GRID2: variants seen among roughly 807,000 people sequenced by gnomAD.
GRID2 encodes the protein glutamate ionotropic receptor delta type subunit 2, also known as glutamate receptor ionotropic, delta-2.
GRID2 carries 33 observed loss-of-function variants against 114.8 expected under a neutral mutation model. That is an observed-to-expected ratio of 0.29 (90% CI 0.22 to 0.38). GRID2 has a LOEUF of 0.38. Ranked by LOEUF, GRID2 falls within the 10% of genes least tolerant of loss-of-function variation. The pLI is 1.00. For synonymous variants in GRID2, 505 were observed against 449.9 expected (o/e 1.12, Z -1.55); for missense variants, 1,184 against 1,257.7 (o/e 0.94, Z 0.89).
chr4:92,816,114 G>A lies in GRID2; in HGVS notation c.244+225828G>A, dbSNP rs556429115. Among the ~76,000 whole-genome samples the A allele has an allele frequency of 1.6e-3, 238 of 151,132 alleles. 1 individual carries two copies. Among genetic ancestry groups the A allele is most frequent in the Non-Finnish European group, 1.9e-3 (126 of 67,760 alleles). On this transcript the variant is annotated intron_variant, in intron 2 of 15. Coordinates refer to ENST00000282020, the MANE Select transcript of GRID2 (RefSeq NM_001510.4). ...GTGGATCACCTGAGGTCCGGAGTTCGAGATCAGCCTAGGCAACATGGTGAA... is the reference window on the plus strand; with the variant it reads ...GTGGATCACCTGAGGTCCGGAGTTCAAGATCAGCCTAGGCAACATGGTGAA...
intron 8 of GRID2, among the ~76,000 whole-genome samples, chr4:93,393,422 A>G (rs1481428738): frequency 1.3e-5 from 2 of 152,000 alleles, no homozygotes; most frequent in Non-Finnish European, 2.9e-5. Context: ...GTCTTGTAAT[A>G]TATATGAGAG....
chr4:92,408,142 C>T (rs1731111415), intron 1 of GRID2, among the ~76,000 whole-genome samples: 1 of 151,928 alleles, frequency 6.6e-6, no homozygotes, highest in Non-Finnish European at 1.5e-5. Flanking sequence ...TTTCATAGAC[C>T]TCATTCAATG....
chr4:93,443,656 C>T (rs1721824050), intron 10 of GRID2, among the ~76,000 whole-genome samples: 1 of 151,764 alleles, frequency 6.6e-6, no homozygotes, highest in Admixed American at 6.6e-5. Context: ...GCACAGCTGG[C>T]ATAAATGGAG....
At chr4:92,929,547 A>G (rs1361513299) in intron 2 of GRID2, among the ~76,000 whole-genome samples, 7 of 151,376 alleles carry the variant, frequency 4.6e-5, no homozygotes, top group African/African-American at 1.2e-4. Flanking sequence ...ACAGACTGAC[A>G]TAAGAGTTGG....
intron 1 of GRID2, among the ~76,000 whole-genome samples, chr4:92,368,966 G>T (rs918832808): frequency 6.7e-6 from 1 of 149,488 alleles, no homozygotes; most frequent in African/African-American, 2.4e-5. Context: ...AAAAGTATTA[G>T]GTAACAGGAT....
chr4:92,394,786 T>G (rs1178973534), intron 1 of GRID2, among the ~76,000 whole-genome samples: 4 of 151,942 alleles, frequency 2.6e-5, no homozygotes, highest in Non-Finnish European at 5.9e-5. Flanking sequence ...AAGCCTTAAT[T>G]GAAATAAATT....
rs34033024 is a variant in GRID2, at chr4:93,791,518, CA to C, written c.222-15188del. On this transcript the variant is annotated intron_variant, in intron 1 of 1. Coordinates refer to the GRID2 transcript ENST00000637838. The stretch of plus-strand genomic sequence containing the variant: ...AAAAACGGTCTTTATATTTGTTGTC[CA>C]AAAAAAAAGGAAAGACTAACTTTAA... 7.4e-5 allele frequency among the ~76,000 whole-genome samples: 11 copies of C among 148,642 alleles called. No homozygotes were observed. In the South Asian group the frequency reaches 1.1e-3, roughly 14 times the overall value.
chr4:93,614,299 AC>A (rs1400991008), intron 13 of GRID2, among the ~76,000 whole-genome samples: 1 of 152,102 alleles, frequency 6.6e-6, no homozygotes, highest in Non-Finnish European at 1.5e-5. Flanking sequence ...GGAGCTGTAG[AC>A]CGGAGCTGTT....
intron 2 of GRID2, among the ~76,000 whole-genome samples, chr4:92,937,134 T>G (rs1750736246): frequency 6.8e-6 from 1 of 146,510 alleles, no homozygotes; most frequent in Non-Finnish European, 1.5e-5. Context: ...TGGCTTGTCT[T>G]TCTCTTTCCC....
At chr4:92,831,455 T>A (rs1742094441) in intron 2 of GRID2, among the ~76,000 whole-genome samples, 1 of 151,154 alleles carries the variant, frequency 6.6e-6, no homozygotes, top group Admixed American at 6.6e-5. Context: ...ACACTTTTAC[T>A]CTGTAGTCAG....
intron 2 of GRID2, among the ~76,000 whole-genome samples, chr4:92,899,430 T>C (rs1435384136): frequency 2.0e-5 from 3 of 152,294 alleles, no homozygotes; most frequent in Middle Eastern, 3.4e-3. Flanking sequence ...TTTTCACAAG[T>C]GGTTGAATTT....
intron 14 of GRID2, among the ~76,000 whole-genome samples, chr4:93,748,879 C>A (rs1018314375): frequency 6.6e-6 from 1 of 152,024 alleles, no homozygotes; most frequent in Admixed American, 6.6e-5. Flanking sequence ...GTGACAAATG[C>A]ATTGTATCTT....
At chr4:92,374,964 A>T (rs1729286804) in intron 1 of GRID2, among the ~76,000 whole-genome samples, 1 of 152,166 alleles carries the variant, frequency 6.6e-6, no homozygotes. Flanking sequence ...ATGTAAAATG[A>T]ATAGCCACCT....
intron 2 of GRID2, among the ~76,000 whole-genome samples, chr4:92,662,315 A>G (rs1161776245): frequency 1.3e-5 from 2 of 151,014 alleles, no homozygotes; most frequent in African/African-American, 4.8e-5. Context: ...CTGCGTCATA[A>G]TTTTATTATG....
At chr4:93,720,860 TTG>T (rs1729305080) in intron 14 of GRID2, among the ~76,000 whole-genome samples, 1 of 152,132 alleles carries the variant, frequency 6.6e-6, no homozygotes, top group Non-Finnish European at 1.5e-5. Context: ...CTCCAGTGCT[TTG>T]TGTTACAGAG....
At chr4:92,315,993 CAAAAAAAAAAA>C (rs778361565) in intron 1 of GRID2, among the ~76,000 whole-genome samples, 1 of 61,916 alleles carries the variant, frequency 1.6e-5, no homozygotes, top group African/African-American at 6.1e-5. Context: ...AAACAAAAAG[CAAAAAAAAAAA>C]AAAAAAAAAA....
chr4:93,568,808 T>G, intron 13 of GRID2, among the ~76,000 whole-genome samples: 1 of 152,166 alleles, frequency 6.6e-6, no homozygotes, highest in Non-Finnish European at 1.5e-5. Flanking sequence ...TAACTGTACT[T>G]TAAACAACTC....
Position 92,303,986 on chromosome 4 carries a change from C to T in GRID2, c.-671C>T, listed in dbSNP as rs1003241867. The T allele has an allele frequency of 1.4e-4, 21 of 153,116 alleles. No individual in the cohort carries two copies. Among genetic ancestry groups the T allele is most frequent in the African/African-American group, 4.6e-4 (19 of 41,580 alleles). The allele number at this position is 153,116 out of a possible 1,614,324, so 9.5% of individuals were successfully genotyped here. On this transcript the variant is annotated 5_prime_UTR_variant, in exon 1 of 16. Transcript: ENST00000282020. ...CCAGCAAACCGGCTCCCCGGGCCCGCCTCGCCAAGCTGCGTTCCGCGCCTC... is the reference window on the plus strand; with the variant it reads ...CCAGCAAACCGGCTCCCCGGGCCCGTCTCGCCAAGCTGCGTTCCGCGCCTC...
intron 2 of GRID2, among the ~76,000 whole-genome samples, chr4:92,943,519 T>A (rs1751348470): frequency 3.3e-5 from 5 of 152,292 alleles, no homozygotes; most frequent in Admixed American, 3.3e-4. Context: ...TTGCCATGGG[T>A]TCGAACTTCC....
Sources: allele counts gnomAD v4.1 joint callset (sites outside exome capture counted in the v4.1 genomes callset), GRCh38; gene constraint gnomAD v4.1.1; transcripts MANE v1.5; gene names NCBI Gene and HGNC (gene_info 2026-07-23, HGNC 2026-07-21).